Variants in IL17B observed in about 807,000 individuals in gnomAD.
IL17B encodes the protein interleukin 17B, also known as interleukin-17B.
A neutral mutation model predicts 14.7 loss-of-function variants in IL17B; 14 were observed. The ratio of observed to expected loss-of-function variants is 0.95; its 90% CI spans 0.63 to 1.49. IL17B has a LOEUF of 1.49. Among genes scored for constraint, IL17B ranks in the 40% most tolerant of loss-of-function variants. IL17B has a pLI of 0.00. For missense variants in IL17B, 233 were observed against 252.8 expected (o/e 0.92, Z 0.53); for synonymous variants, 105 against 94.8 (o/e 1.11, Z -0.62).
chr5:149,386,675 A>G (rs562845302), intron 1 of IL17B, among the ~76,000 whole-genome samples: 13 of 152,338 alleles, frequency 8.5e-5, no homozygotes, highest in African/African-American at 3.1e-4. Flanking sequence ...TCACAAATAT[A>G]TATTGAACAC....
rs754730200 is a variant in IL17B, at chr5:149,374,336, C to T, written c.*33G>A. ...CACAAAGGTGCAAGGAGGATGGTCTCGGGCTGCTGGCCTGGCTTCTGGGCC... is the reference window on the plus strand; with the variant it reads ...CACAAAGGTGCAAGGAGGATGGTCTTGGGCTGCTGGCCTGGCTTCTGGGCC... On this transcript the variant is annotated 3_prime_UTR_variant, in exon 3 of 3. Coordinates refer to ENST00000261796, the MANE Select transcript of IL17B (RefSeq NM_014443.3). This position sits in a 1 kb window ranked among gnomAD's most constrained non-coding sequence, Gnocchi z 5.0. 3.7e-5 allele frequency: 56 copies of T among 1,528,618 alleles called. No homozygotes were observed. Among genetic ancestry groups the T allele is most frequent in the South Asian group, 3.7e-4 (30 of 82,022 alleles). The allele number at this position is 1,528,618 out of a possible 1,614,324, so 94.7% of individuals were successfully genotyped here. A position where few individuals can be genotyped will look rare whatever the true frequency, so the allele number is the denominator to read the frequency against.
intron 1 of IL17B, among the ~76,000 whole-genome samples, chr5:149,385,907 A>G (rs1221449094): frequency 6.6e-6 from 1 of 152,196 alleles, no homozygotes; most frequent in Non-Finnish European, 1.5e-5. Flanking sequence ...ATCTGTGGGG[A>G]CGTGAGAAGA....
rs567598876 is a variant in IL17B, at chr5:149,384,933, G to A, written n.96-7908C>T. ...GCTTTTTTTTTTTTTTTTTGAGATG[G>A]AGTCTCGCTCTGTAGCCCAGGCTGG... On this transcript the variant is annotated intron_variant and non_coding_transcript_variant, in intron 1 of 2. Transcript: ENST00000505432. Among the ~76,000 whole-genome samples, 3 of 149,056 alleles carry A rather than the reference G, an allele frequency of 2.0e-5. No homozygotes were observed. In the South Asian group the frequency reaches 6.5e-4, roughly 32 times the overall value.
intron 1 of IL17B, 39 bp from the exon 2 acceptor site, chr5:149,377,064 A>G: frequency 6.7e-7 from 1 of 1,502,948 alleles, no homozygotes; most frequent in Admixed American, 2.3e-5. Context: ...GGGAGAGCCA[A>G]GTCTCTATCT....
chr5:149,402,621 CA>C (rs2127623798), intron 1 of IL17B, among the ~76,000 whole-genome samples: 1 of 150,608 alleles, frequency 6.6e-6, no homozygotes, highest in Admixed American at 6.6e-5. Flanking sequence ...TCTCCTGACA[CA>C]CACATACGTA....
chr5:149,379,527 C>T (rs1052210641), upstream of IL17B, among the ~76,000 whole-genome samples: 6 of 152,222 alleles, frequency 3.9e-5, no homozygotes, highest in East Asian at 1.9e-4. Flanking sequence ...GTGGCACCTC[C>T]GCCTGTGGCC....
intron 1 of IL17B, among the ~76,000 whole-genome samples, chr5:149,388,966 T>C (rs1251158599): frequency 1.3e-5 from 2 of 152,222 alleles, no homozygotes; most frequent in African/African-American, 4.8e-5. Context: ...CTTCACAGGT[T>C]TGCTATGAGG....
In IL17B at chr5:149,379,256, G is replaced by A. The variant is rs1449320262; in HGVS notation, c.-31C>T. 2.5e-6 allele frequency: 4 copies of A among 1,613,314 alleles called. No homozygotes were observed. In the African/African-American group the frequency reaches 5.3e-5, roughly 22 times the overall value. ...CAAGCTGCAAGGTCAGCCTGCAGCT[G>A]CTGCCCGCCTGGAACCCCAGATGCC... On this transcript the variant is annotated 5_prime_UTR_variant, in exon 1 of 3. Transcript: ENST00000261796.
intron 1 of IL17B, among the ~76,000 whole-genome samples, chr5:149,391,288 A>G (rs1758948244): frequency 6.6e-6 from 1 of 152,122 alleles, no homozygotes; most frequent in Non-Finnish European, 1.5e-5. Flanking sequence ...TTTGAACACA[A>G]AGCCTCTTAA....
At chr5:149,378,573 A>C (rs1028629633) in intron 1 of IL17B, among the ~76,000 whole-genome samples, 20 of 152,332 alleles carry the variant, frequency 1.3e-4, no homozygotes, top group Non-Finnish European at 2.9e-4. Flanking sequence ...CCACAGCCCC[A>C]TGGCCCATGC....
intron 1 of IL17B, among the ~76,000 whole-genome samples, chr5:149,393,459 G>A (rs566435536): frequency 1.3e-5 from 2 of 152,316 alleles, no homozygotes; most frequent in East Asian, 1.9e-4. Flanking sequence ...CCCAGGCCTA[G>A]TTCAGTGTGA....
chr5:149,376,915 C>G lies in IL17B; in HGVS notation c.132G>C (p.Gln44His). The change falls in exon 2 of 3, where the codon CAG becomes CAC. Residue 44 changes from glutamine to histidine, a missense_variant. Coordinates refer to ENST00000261796, the MANE Select transcript of IL17B (RefSeq NM_014443.3). ...RPGPLAPGPHQVPLDLVSRMK... is the reference protein window; with the variant it reads ...RPGPLAPGPHHVPLDLVSRMK... The stretch of plus-strand genomic sequence containing the variant: ...TCCGTGACACCAGGTCCAGTGGCAC[C>G]TGGTGAGGGCCAGGGGCCAGGGGCC... 2.5e-6 allele frequency: 4 copies of G among 1,614,114 alleles called. No homozygotes were observed. Among genetic ancestry groups the G allele is most frequent in the Middle Eastern group, 1.6e-4 (1 of 6,062 alleles).
Position 149,378,389 on chromosome 5 carries a change from C to G in IL17B, c.21+816G>C, listed in dbSNP as rs758000920. Among the ~76,000 whole-genome samples, 51 of 152,310 alleles carry G rather than the reference C, an allele frequency of 3.3e-4. 1 individual carries two copies. The highest frequency in any genetic ancestry group is 1.5e-4 in the Non-Finnish European group (10 of 68,030). On this transcript the variant is annotated intron_variant, in intron 1 of 2. Transcript: ENST00000261796. ...TCCCAGCACCAGAGTATCAGGAAAG[C>G]CTTTGGCTCACAAGGAAGAGGACTC...
chr5:149,379,267 GGAACCCCA>G lies in IL17B; in HGVS notation c.-50_-43del, dbSNP rs746355945. On this transcript the variant is annotated 5_prime_UTR_variant, in exon 1 of 3. Coordinates refer to ENST00000261796, the MANE Select transcript of IL17B (RefSeq NM_014443.3). Reference sequence around the variant, plus strand: ...GTCAGCCTGCAGCTGCTGCCCGCCTGGAACCCCAGATGCCGCCGAGAGAATGGCAGCAA... The same window carrying G: ...GTCAGCCTGCAGCTGCTGCCCGCCTGGATGCCGCCGAGAGAATGGCAGCAA... 1,293 of 1,612,836 alleles carry G rather than the reference GGAACCCCA, an allele frequency of 8.0e-4. 1 individual carries two copies. The highest frequency in any genetic ancestry group is 9.1e-4 in the Non-Finnish European group (1,075 of 1,179,404).
upstream of IL17B, among the ~76,000 whole-genome samples, chr5:149,382,787 G>A (rs1233269638): frequency 1.3e-5 from 2 of 152,236 alleles, no homozygotes; most frequent in Admixed American, 6.5e-5. Flanking sequence ...CGGTAGGTTC[G>A]GGTGCTCACT....
Position 149,379,284 on chromosome 5 carries a change from C to G in IL17B, c.-59G>C, listed in dbSNP as rs1270159380. 2.5e-6 allele frequency: 4 copies of G among 1,608,094 alleles called. No homozygotes were observed. The highest frequency in any genetic ancestry group is 2.2e-5 in the East Asian group (1 of 44,816). The stretch of plus-strand genomic sequence containing the variant: ...GCCCGCCTGGAACCCCAGATGCCGC[C>G]GAGAGAATGGCAGCAACAGGATGGA... On this transcript the variant is annotated 5_prime_UTR_variant, in exon 1 of 3. Transcript: ENST00000261796.
chr5:149,401,890 T>C (rs1317284060), intron 1 of IL17B, among the ~76,000 whole-genome samples: 1 of 152,200 alleles, frequency 6.6e-6, no homozygotes, highest in African/African-American at 2.4e-5. Flanking sequence ...AGATAACTTC[T>C]CTTCTTATTT....
upstream of IL17B, among the ~76,000 whole-genome samples, chr5:149,380,650 G>T (rs777414398): frequency 1.8e-4 from 28 of 152,226 alleles, no homozygotes; most frequent in Non-Finnish European, 1.0e-4. Flanking sequence ...ACCCAGGGAG[G>T]CAGGAATGGC....
At chr5:149,386,457 G>A (rs73277564) in intron 1 of IL17B, among the ~76,000 whole-genome samples, 2,454 of 152,204 alleles carry the variant, frequency 0.016, 51 homozygotes, top group African/African-American at 0.056. Context: ...ACTCACAGGC[G>A]TGAATCTCCC....
Sources: gnomAD v4.1 joint callset for allele counts (sites outside exome capture counted in the v4.1 genomes callset) on GRCh38, gnomAD v4.1.1 for gene constraint, Gnocchi (gnomAD v3.1) non-coding constraint, MANE v1.5 for transcripts, NCBI Gene and HGNC (gene_info 2026-07-23, HGNC 2026-07-21) for gene names.